NAV1: variants seen among roughly 807,000 people sequenced by gnomAD.
The protein encoded by NAV1 is neuron navigator 1, also known as pore membrane and/or filament interacting like protein 3.
A neutral mutation model predicts 175.2 loss-of-function variants in NAV1; 18 were observed. The observed-to-expected ratio is 0.10, with a 90% CI of 0.07 to 0.15. The LOEUF (loss-of-function observed/expected upper bound fraction) is 0.15. Ranked by LOEUF, NAV1 falls within the 10% of genes least tolerant of loss-of-function variation. NAV1 has a pLI of 1.00. For synonymous variants in NAV1, 897 were observed against 978.7 expected (o/e 0.92, Z 1.56); for missense variants, 1,731 against 2,436.6 (o/e 0.71, Z 6.10).
At position 201,782,873 on chromosome 1, in the gene NAV1, C is replaced by A; in HGVS notation, c.2357+4C>A. 1.3e-6 allele frequency: 2 copies of A among 1,563,262 alleles called. No individual in the cohort carries two copies. Among genetic ancestry groups the A allele is most frequent in the Non-Finnish European group, 1.7e-6 (2 of 1,155,600 alleles). On this transcript the variant is annotated splice_donor_region_variant and intron_variant, in intron 6 of 29. Coordinates refer to ENST00000367296, the Ensembl canonical transcript of NAV1. The surrounding 1 kb of genome is among the most constrained non-coding windows in gnomAD (Gnocchi z 5.4). Reference sequence around the variant, plus strand: ...AGCTGCCACCAACCCCTCTCAGGTACCCAATGTGGGCAGCCGCCTCCTTGT... The same window carrying A: ...AGCTGCCACCAACCCCTCTCAGGTAACCAATGTGGGCAGCCGCCTCCTTGT...
chr1:201,648,604 GCCCCCTGCCCCCT>G lies in NAV1; in HGVS notation c.-59_-47del. On this transcript the variant is annotated 5_prime_UTR_variant, in exon 1 of 30. Coordinates refer to ENST00000367296, the Ensembl canonical transcript of NAV1. ...CCCCGCCTCCTCCTCCTGCGCTCCC[GCCCCCTGCCCCCT>G]CCCCCCGTGCCTGCAGACGCGCGGA... 1 of 783,944 alleles carries G rather than the reference GCCCCCTGCCCCCT, an allele frequency of 1.3e-6. No homozygotes were observed. The highest frequency in any genetic ancestry group is 1.7e-6 in the Non-Finnish European group (1 of 587,510). 48.6% of individuals were successfully genotyped at this position (783,944 alleles called of 1,614,324 possible).
intron 1 of NAV1, among the ~76,000 whole-genome samples, chr1:201,657,156 C>T (rs1475446288): frequency 6.6e-6 from 1 of 152,228 alleles, no homozygotes; most frequent in Admixed American, 6.5e-5. Context: ...TTATCAATAA[C>T]ATGTATCAAT....
exon 5 of NAV1, chr1:201,781,033 C>T (rs139361751): frequency 4.7e-5 from 76 of 1,612,350 alleles, no homozygotes; most frequent in Admixed American, 1.3e-4. Flanking sequence ...CTCAGAGAAG[C>T]GCTCACTGGC....
chr1:201,594,067 T>C (rs899267135), intron 2 of NAV1, among the ~76,000 whole-genome samples: 63 of 134,990 alleles, frequency 4.7e-4, no homozygotes, highest in African/African-American at 1.8e-3. Context: ...GGCAAGGGAG[T>C]GGCACTTTTT....
intron 2 of NAV1, among the ~76,000 whole-genome samples, chr1:201,605,763 G>A (rs1304733126): frequency 1.3e-5 from 2 of 152,190 alleles, no homozygotes; most frequent in African/African-American, 4.8e-5. Context: ...GCCATGCCTG[G>A]CCAGCTGCAT....
At chr1:201,609,899 G>C (rs1667798744) in intron 2 of NAV1, among the ~76,000 whole-genome samples, 1 of 152,216 alleles carries the variant, frequency 6.6e-6, no homozygotes, top group South Asian at 2.1e-4. Flanking sequence ...ATGGAACAGG[G>C]ATTGTCTTCA....
chr1:201,667,163 A>G (rs1296702521), intron 1 of NAV1, among the ~76,000 whole-genome samples: 1 of 152,216 alleles, frequency 6.6e-6, no homozygotes, highest in Non-Finnish European at 1.5e-5. Flanking sequence ...GAGGAAACTG[A>G]GGCCCAGAGA....
intron 1 of NAV1, among the ~76,000 whole-genome samples, chr1:201,574,771 G>A (rs1327069293): frequency 6.6e-6 from 1 of 152,154 alleles, no homozygotes; most frequent in African/African-American, 2.4e-5. Flanking sequence ...CCAGCGTTGG[G>A]AGCCCTGACC....
intron 3 of NAV1, chr1:201,733,544 T>C (rs1672959631): frequency 6.6e-6 from 1 of 151,924 alleles, no homozygotes; most frequent in African/African-American, 2.4e-5. Flanking sequence ...GAAAAAGAAA[T>C]GGCAAACAAG....
intron 2 of NAV1, among the ~76,000 whole-genome samples, chr1:201,714,016 G>A (rs931115214): frequency 3.9e-5 from 6 of 151,936 alleles, no homozygotes; most frequent in African/African-American, 1.5e-4. Context: ...TCATTCTGTC[G>A]CCCACTGCCT....
chr1:201,817,860 A>T (rs1031391470), intron 29 of NAV1, among the ~76,000 whole-genome samples: 2 of 152,198 alleles, frequency 1.3e-5, no homozygotes, highest in African/African-American at 4.8e-5. Context: ...AACTGGGGGA[A>T]TATCTGCAAT....
At chr1:201,598,663 C>T (rs1488358873) in intron 2 of NAV1, among the ~76,000 whole-genome samples, 1 of 152,220 alleles carries the variant, frequency 6.6e-6, no homozygotes. Context: ...CTCACACTCT[C>T]CAAACCTCAA....
At chr1:201,585,045 A>T (rs182671039) in intron 1 of NAV1, among the ~76,000 whole-genome samples, 2 of 151,816 alleles carry the variant, frequency 1.3e-5, no homozygotes, top group African/African-American at 4.8e-5. Flanking sequence ...CTAATAAGAC[A>T]AATGCTTCCT....
At chr1:201,624,662 A>T (rs566068866) in intron 1 of NAV1, among the ~76,000 whole-genome samples, 1 of 152,102 alleles carries the variant, frequency 6.6e-6, no homozygotes, top group African/African-American at 2.4e-5. Flanking sequence ...GCTTTTTTTA[A>T]AAAATAAAAA....
chr1:201,631,301 G>A (rs1000068612), intron 2 of NAV1, among the ~76,000 whole-genome samples: 11 of 152,312 alleles, frequency 7.2e-5, no homozygotes, highest in African/African-American at 9.6e-5. Flanking sequence ...AAGAGCCTGC[G>A]CTCTTCTGAG....
intron 1 of NAV1, among the ~76,000 whole-genome samples, chr1:201,685,868 C>T (rs2102406959): frequency 6.6e-6 from 1 of 152,272 alleles, no homozygotes; most frequent in African/African-American, 2.4e-5. Flanking sequence ...ATGCCCTGGG[C>T]TGGAATTGTG....
rs553122236 is a variant in NAV1 at position 201,654,494 on chromosome 1, C to T, written c.757+5069C>T. Among the ~76,000 whole-genome samples, 10 of 149,456 alleles carry T rather than the reference C, an allele frequency of 6.7e-5. No individual in the cohort carries two copies. The South Asian group carries it at 1.9e-3, about 29-fold the overall frequency. Reference sequence around the variant, plus strand: ...CTTGCCTTTCTCTGCAGCTATCCTTCCACACACATATACCGCACCTCACAG... The same window carrying T: ...CTTGCCTTTCTCTGCAGCTATCCTTTCACACACATATACCGCACCTCACAG... On this transcript the variant is annotated intron_variant, in intron 1 of 29. Transcript: ENST00000367296.
chr1:201,561,734 C>A (rs545946832), intron 1 of NAV1, among the ~76,000 whole-genome samples: 1 of 152,270 alleles, frequency 6.6e-6, no homozygotes, highest in Non-Finnish European at 1.5e-5. Flanking sequence ...TGGTTAAGGA[C>A]AAGGCTGTGT....
At chr1:201,700,547 A>G (rs1671370615) in intron 1 of NAV1, among the ~76,000 whole-genome samples, 1 of 152,226 alleles carries the variant, frequency 6.6e-6, no homozygotes, top group Non-Finnish European at 1.5e-5. Flanking sequence ...AGGATCTAGA[A>G]CGAGAAATAC....
Sources: allele counts gnomAD v4.1 joint callset (sites outside exome capture counted in the v4.1 genomes callset), GRCh38; gene constraint gnomAD v4.1.1; non-coding constraint Gnocchi (gnomAD v3.1); transcripts MANE v1.5; gene names NCBI Gene and HGNC (gene_info 2026-07-23, HGNC 2026-07-21).